Variants in LINGO2 observed in about 807,000 individuals in gnomAD.
The protein encoded by LINGO2 is leucine rich repeat and Ig domain containing 2.
Under a neutral mutation model 30.6 loss-of-function variants are expected in LINGO2, and 14 were observed. That is an observed-to-expected ratio of 0.46 (90% CI 0.30 to 0.72). LINGO2 has a LOEUF of 0.72. LINGO2 is among the 30% of genes least tolerant of loss of function. The pLI is 0.07. For synonymous variants in LINGO2, 317 were observed against 288.5 expected (o/e 1.10, Z -1.00); for missense variants, 729 against 751.7 (o/e 0.97, Z 0.35).
chr9:29,143,149 A>G, the LINGO2 span, among the ~76,000 whole-genome samples: 2 of 152,104 alleles, frequency 1.3e-5, no homozygotes, highest in Non-Finnish European at 2.9e-5. Context: ...TTAAAAACAT[A>G]CAAATAAGTG....
At chr9:28,908,697 A>G in the LINGO2 span, among the ~76,000 whole-genome samples, 3 of 151,930 alleles carry the variant, frequency 2.0e-5, no homozygotes, top group African/African-American at 7.2e-5. Context: ...TCTATTTTAT[A>G]AGGATGCACA....
the LINGO2 span, among the ~76,000 whole-genome samples, chr9:29,044,560 C>A: frequency 6.6e-6 from 1 of 152,000 alleles, no homozygotes; most frequent in Non-Finnish European, 1.5e-5. Flanking sequence ...ACAATACATG[C>A]ATTTACCCTG....
chr9:28,694,536 C>G, the LINGO2 span, among the ~76,000 whole-genome samples: 1 of 151,984 alleles, frequency 6.6e-6, no homozygotes, highest in Non-Finnish European at 1.5e-5. Flanking sequence ...TTACTTACAA[C>G]CTCAAAAATC....
chr9:28,069,262 G>T (rs1192842821), intron 4 of LINGO2, among the ~76,000 whole-genome samples: 1 of 152,032 alleles, frequency 6.6e-6, no homozygotes, highest in Non-Finnish European at 1.5e-5. Flanking sequence ...AGTTTGTTTT[G>T]TTTTATTTAT....
chr9:28,298,379 T>A (rs1824002422), intron 3 of LINGO2, among the ~76,000 whole-genome samples: 1 of 151,692 alleles, frequency 6.6e-6, no homozygotes, highest in Admixed American at 6.6e-5. Context: ...TAAAAATGAA[T>A]TTGGGGCTGG....
intron 1 of LINGO2, among the ~76,000 whole-genome samples, chr9:28,487,599 C>T (rs1253391402): frequency 6.6e-6 from 1 of 152,116 alleles, no homozygotes; most frequent in Non-Finnish European, 1.5e-5. Flanking sequence ...TGTCAAATTT[C>T]CCAATGAAAG....
the LINGO2 span, among the ~76,000 whole-genome samples, chr9:29,086,061 T>G: frequency 6.6e-6 from 1 of 152,116 alleles, no homozygotes; most frequent in Non-Finnish European, 1.5e-5. Context: ...TATGCCTATT[T>G]CATCTCACCT....
chr9:28,382,291 A>G (rs1036021810), intron 2 of LINGO2, among the ~76,000 whole-genome samples: 2 of 152,170 alleles, frequency 1.3e-5, no homozygotes, highest in Non-Finnish European at 2.9e-5. Context: ...GCATTGTTAC[A>G]AAATCCCAAA....
the LINGO2 span, among the ~76,000 whole-genome samples, chr9:28,943,796 T>C: frequency 6.6e-6 from 1 of 152,178 alleles, no homozygotes; most frequent in African/African-American, 2.4e-5. Context: ...GAGTAAGATG[T>C]GCGAGATGAG....
chr9:28,527,344 C>T (rs967508719), intron 1 of LINGO2, among the ~76,000 whole-genome samples: 3 of 152,146 alleles, frequency 2.0e-5, no homozygotes, highest in Non-Finnish European at 4.4e-5. Flanking sequence ...TCTGTAAAAA[C>T]GTATTCATTA....
intron 2 of LINGO2, among the ~76,000 whole-genome samples, chr9:28,461,896 C>G (rs1401471897): frequency 2.6e-5 from 4 of 152,124 alleles, no homozygotes; most frequent in Non-Finnish European, 5.9e-5. Context: ...TTTAACTACT[C>G]TGTGAGTTAT....
At chr9:28,655,946 A>G (rs1447499146) in intron 1 of LINGO2, among the ~76,000 whole-genome samples, 2 of 152,134 alleles carry the variant, frequency 1.3e-5, no homozygotes, top group Non-Finnish European at 2.9e-5. Flanking sequence ...TGTATCAATA[A>G]TTAGGGGGCT....
Position 28,458,216 on chromosome 9 carries a change from C to A in LINGO2, c.-279+17724G>T, listed in dbSNP as rs535309313. ...TGCAAACAATTTGTCAGAAATCATT[C>A]TCTGAATGTTTTTAAAATTATATTT... On this transcript the variant is annotated intron_variant, in intron 2 of 5. Transcript: ENST00000379992. Among the ~76,000 whole-genome samples the A allele has an allele frequency of 6.6e-5, 10 of 152,260 alleles. No individual in the cohort carries two copies. The East Asian group carries it at 1.9e-3, about 29-fold the overall frequency.
chr9:28,004,311 T>C (rs1009930229), intron 5 of LINGO2, among the ~76,000 whole-genome samples: 1 of 152,194 alleles, frequency 6.6e-6, no homozygotes. Context: ...TATATTTAAA[T>C]AGACAGTAGC....
intron 2 of LINGO2, among the ~76,000 whole-genome samples, chr9:28,433,923 TTC>T (rs146254758): frequency 0.035 from 3,877 of 110,062 alleles, 203 homozygotes; most frequent in African/African-American, 0.1. Context: ...TGCTCTCTCT[TTC>T]TCTCTCTCTC....
At chr9:28,975,830 G>A in the LINGO2 span, among the ~76,000 whole-genome samples, 459 of 152,240 alleles carry the variant, frequency 3.0e-3, 3 homozygotes, top group African/African-American at 0.01. Context: ...CAATGTATTT[G>A]TTAATAATTC....
chr9:28,060,643 C>T (rs1225694741), intron 4 of LINGO2, among the ~76,000 whole-genome samples: 1 of 152,132 alleles, frequency 6.6e-6, no homozygotes, highest in Admixed American at 6.6e-5. Context: ...TTTCCCTGCC[C>T]TCTGTGTGCT....
Position 28,027,488 on chromosome 9 carries a change from G to T in LINGO2, c.-86-15083C>A, listed in dbSNP as rs117894206. Among the ~76,000 whole-genome samples the T allele has an allele frequency of 6.3e-3, 966 of 152,186 alleles. 15 individuals carry two copies. The highest frequency in any genetic ancestry group is 0.035 in the Admixed American group (531 of 15,274). On this transcript the variant is annotated intron_variant, in intron 4 of 5. Coordinates refer to ENST00000379992, the Ensembl canonical transcript of LINGO2. The stretch of plus-strand genomic sequence containing the variant: ...AAAAATTATTCAGCACCTTTTATTT[G>T]TAGGGAGCTACGGCAAATACTGGGG...
chr9:28,859,208 A>G, the LINGO2 span, among the ~76,000 whole-genome samples: 1 of 152,040 alleles, frequency 6.6e-6, no homozygotes, highest in South Asian at 2.1e-4. Flanking sequence ...TATTTTCTAA[A>G]GCAAAATTGC....
Sources: allele counts gnomAD v4.1 joint callset (sites outside exome capture counted in the v4.1 genomes callset), GRCh38; gene constraint gnomAD v4.1.1; transcripts MANE v1.5; gene names NCBI Gene and HGNC (gene_info 2026-07-23, HGNC 2026-07-21).